MAST4: variants seen among roughly 807,000 people sequenced by gnomAD.
MAST4 encodes microtubule associated serine/threonine kinase family member 4.
A neutral mutation model predicts 162.7 loss-of-function variants in MAST4; 89 were observed. The ratio of observed to expected loss-of-function variants is 0.55; its 90% CI spans 0.46 to 0.65. The LOEUF (loss-of-function observed/expected upper bound fraction) is 0.65. Among genes scored for constraint, MAST4 ranks in the 30% least tolerant of loss-of-function variants. The probability of loss-of-function intolerance (pLI) is 0.00; values close to 1 mark genes in which losing one functional copy is unlikely to be tolerated. For synonymous variants in MAST4, 1,479 were observed against 1,361.1 expected (o/e 1.09, Z -1.91); for missense variants, 3,153 against 3,374.0 (o/e 0.93, Z 1.62).
intron 4 of MAST4, among the ~76,000 whole-genome samples, chr5:67,027,692 A>G (rs1279868170): frequency 6.6e-6 from 1 of 152,198 alleles, no homozygotes; most frequent in Non-Finnish European, 1.5e-5. Context: ...TTGTTAATGA[A>G]TAGAGTTGGA....
chr5:66,849,735 A>G (rs72761265), intron 3 of MAST4, among the ~76,000 whole-genome samples: 36,860 of 152,120 alleles, frequency 0.24, 5,848 homozygotes, highest in Non-Finnish European at 0.36. Flanking sequence ...TCCCCAATAC[A>G]TGGTCAATAA....
intron 20 of MAST4, 81 bp downstream of exon 20, chr5:67,142,318 C>T: frequency 6.5e-7 from 1 of 1,550,182 alleles, no homozygotes; most frequent in Non-Finnish European, 8.8e-7. Flanking sequence ...CTTTTCATAT[C>T]TCTGAGTTCT....
chr5:66,641,928 T>C (rs981433789), intron 1 of MAST4, among the ~76,000 whole-genome samples: 1 of 152,188 alleles, frequency 6.6e-6, no homozygotes, highest in South Asian at 2.1e-4. Context: ...CCAGTCGGAA[T>C]TGCACCTCCG....
intron 1 of MAST4, among the ~76,000 whole-genome samples, chr5:66,729,216 T>C (rs910986150): frequency 1.3e-5 from 2 of 152,192 alleles, no homozygotes; most frequent in Non-Finnish European, 2.9e-5. Flanking sequence ...TTTTGTACTG[T>C]GATTTGAGTA....
chr5:66,912,601 C>T (rs1392461857), intron 4 of MAST4, among the ~76,000 whole-genome samples: 1 of 152,128 alleles, frequency 6.6e-6, no homozygotes, highest in Non-Finnish European at 1.5e-5. Flanking sequence ...TTCTAAGGTA[C>T]TACCAATATG....
At chr5:66,618,474 A>G (rs1743862956) in intron 1 of MAST4, among the ~76,000 whole-genome samples, 1 of 152,148 alleles carries the variant, frequency 6.6e-6, no homozygotes, top group African/African-American at 2.4e-5. Flanking sequence ...TATTTTTGTA[A>G]CATGTAGAAG....
chr5:66,950,375 T>C (rs997394471), intron 4 of MAST4, among the ~76,000 whole-genome samples: 8 of 152,118 alleles, frequency 5.3e-5, no homozygotes, highest in Non-Finnish European at 5.9e-5. Flanking sequence ...CTCGAGAACT[T>C]TTTCATCTTT....
At chr5:66,830,536 A>T (rs1228087445) in intron 3 of MAST4, among the ~76,000 whole-genome samples, 1 of 152,200 alleles carries the variant, frequency 6.6e-6, no homozygotes, top group Non-Finnish European at 1.5e-5. Flanking sequence ...CCTCTGTATA[A>T]TGGATAAGGA....
At chr5:66,617,629 G>A (rs913953036) in intron 1 of MAST4, among the ~76,000 whole-genome samples, 1 of 152,086 alleles carries the variant, frequency 6.6e-6, no homozygotes, top group African/African-American at 2.4e-5. Flanking sequence ...AAACAGTAGT[G>A]GTTTTAAGCC....
intron 1 of MAST4, among the ~76,000 whole-genome samples, chr5:66,669,888 A>C (rs1258328601): frequency 6.6e-6 from 1 of 152,232 alleles, no homozygotes; most frequent in Non-Finnish European, 1.5e-5. Flanking sequence ...TAGGTTTGCC[A>C]GGAAAAAATG....
At chr5:66,674,052 G>A (rs929396082) in intron 1 of MAST4, among the ~76,000 whole-genome samples, 2 of 152,168 alleles carry the variant, frequency 1.3e-5, no homozygotes, top group Non-Finnish European at 2.9e-5. Flanking sequence ...CTCCAGAAGA[G>A]AACTTAGATA....
chr5:66,949,453 C>T (rs993848292), intron 4 of MAST4, among the ~76,000 whole-genome samples: 2 of 152,182 alleles, frequency 1.3e-5, no homozygotes, highest in African/African-American at 4.8e-5. Context: ...CTCGGCACTT[C>T]TTTTTCCTGC....
intron 4 of MAST4, among the ~76,000 whole-genome samples, chr5:66,958,569 G>T (rs909949074): frequency 1.8e-4 from 28 of 152,146 alleles, no homozygotes; most frequent in African/African-American, 6.5e-4. Context: ...CCTATCATCG[G>T]GTTTGCCTGT....
At chr5:67,050,326 AAC>A (rs1758016332) in intron 4 of MAST4, among the ~76,000 whole-genome samples, 1 of 152,138 alleles carries the variant, frequency 6.6e-6, no homozygotes, top group Admixed American at 6.5e-5. Context: ...ATGCAGACAA[AAC>A]ACTTCCTGGT....
At position 67,149,593 on chromosome 5, in the gene MAST4, G is replaced by C; in HGVS notation, c.3295+4G>C. On this transcript the variant is annotated splice_donor_region_variant and intron_variant, in intron 24 of 28. Transcript: ENST00000403625. ...CTTTCCCTCATGATCCCAGGAGGTAGAGAGATACTACTTGCATGAAATTGT... is the reference window on the plus strand; with the variant it reads ...CTTTCCCTCATGATCCCAGGAGGTACAGAGATACTACTTGCATGAAATTGT... The C allele has an allele frequency of 6.2e-7, 1 of 1,612,688 alleles. No individual in the cohort carries two copies. The highest frequency in any genetic ancestry group is 8.5e-7 in the Non-Finnish European group (1 of 1,179,134).
intron 4 of MAST4, among the ~76,000 whole-genome samples, chr5:66,999,871 C>T (rs1007011614): frequency 6.6e-6 from 1 of 152,106 alleles, no homozygotes; most frequent in African/African-American, 2.4e-5. Context: ...CAGGCCTATC[C>T]CTACAAGTTA....
At chr5:66,953,937 C>A (rs1403541610) in intron 4 of MAST4, among the ~76,000 whole-genome samples, 1 of 152,154 alleles carries the variant, frequency 6.6e-6, no homozygotes, top group Non-Finnish European at 1.5e-5. Flanking sequence ...TGTCTTCAGA[C>A]ATTGCAAAAC....
At chr5:66,910,741 C>CTTTGTTTTT (rs1763690763) in intron 4 of MAST4, among the ~76,000 whole-genome samples, 10 of 20,088 alleles carry the variant, frequency 5.0e-4, no homozygotes, top group South Asian at 2.8e-3. Flanking sequence ...TTTTTTTTTT[C>CTTTGTTTTT]TTTTTTTTTT....
At chr5:66,724,114 C>G (rs1751375390) in intron 1 of MAST4, among the ~76,000 whole-genome samples, 1 of 152,158 alleles carries the variant, frequency 6.6e-6, no homozygotes, top group Non-Finnish European at 1.5e-5. Flanking sequence ...AGCAAACATG[C>G]TGATTGCATG....
Sources: gnomAD v4.1 joint callset for allele counts (sites outside exome capture counted in the v4.1 genomes callset) on GRCh38, gnomAD v4.1.1 for gene constraint, MANE v1.5 for transcripts, NCBI Gene and HGNC (gene_info 2026-07-23, HGNC 2026-07-21) for gene names.